Variants in AP2B1 observed in about 807,000 individuals in gnomAD.
AP2B1 encodes AP-2 complex subunit beta.
AP2B1 carries 23 observed loss-of-function variants against 102.0 expected under a neutral mutation model. The observed-to-expected ratio is 0.23, with a 90% CI of 0.16 to 0.32. The LOEUF (loss-of-function observed/expected upper bound fraction) is 0.32, where lower values mean the gene tolerates loss of function less well. AP2B1 is among the 10% of genes least tolerant of loss of function. The pLI, the probability that AP2B1 is intolerant of heterozygous loss-of-function variation, is 1.00. For synonymous variants in AP2B1, 381 were observed against 421.2 expected (o/e 0.90, Z 1.17); for missense variants, 541 against 1,157.4 (o/e 0.47, Z 7.73).
intron 14 of AP2B1, 111 bp from the exon 15 acceptor site, chr17:35,670,746 G>A: frequency 9.3e-7 from 1 of 1,078,190 alleles, no homozygotes; most frequent in Non-Finnish European, 1.4e-6. Context: ...AAGTTGAATG[G>A]CATGTATTTC....
chr17:35,589,707 C>T (rs1183213449), intron 1 of AP2B1, among the ~76,000 whole-genome samples: 9 of 152,162 alleles, frequency 5.9e-5, no homozygotes, highest in Non-Finnish European at 1.2e-4. Context: ...TGGCCTTAGG[C>T]CATACCGTAA....
At chr17:35,650,318 C>T (rs2075056074) in intron 12 of AP2B1, among the ~76,000 whole-genome samples, 1 of 152,196 alleles carries the variant, frequency 6.6e-6, no homozygotes, top group Non-Finnish European at 1.5e-5. Flanking sequence ...TGATCTCAAA[C>T]TCTTGGGTCC....
At position 35,639,766 on chromosome 17, in the gene AP2B1, T is replaced by TTCTTGTC; in HGVS notation, c.1437+15_1437+21dup. 6.2e-7 allele frequency: 1 copy of TTCTTGTC among 1,612,788 alleles called. No homozygotes were observed. Among genetic ancestry groups the TTCTTGTC allele is most frequent in the Non-Finnish European group, 8.5e-7 (1 of 1,179,236 alleles). ...TTCACGATGAAAGCACCCAGGTAAGTTCTTGTCTCTTGTCTATCCTAGTAG... is the reference window on the plus strand; with the variant it reads ...TTCACGATGAAAGCACCCAGGTAAGTTCTTGTCTCTTGTCTCTTGTCTATCCTAGTAG... On this transcript the variant is annotated splice_region_variant and intron_variant, in intron 11 of 21. Coordinates refer to ENST00000610402, the MANE Select transcript of AP2B1 (RefSeq NM_001030006.2).
At chr17:35,654,921 G>A (rs2075179256) in intron 13 of AP2B1, among the ~76,000 whole-genome samples, 1 of 152,090 alleles carries the variant, frequency 6.6e-6, no homozygotes, top group South Asian at 2.1e-4. Context: ...TCACTGGGCA[G>A]GCAGTGCCTC....
At chr17:35,651,945 A>T (rs1158119299) in intron 13 of AP2B1, among the ~76,000 whole-genome samples, 1 of 152,172 alleles carries the variant, frequency 6.6e-6, no homozygotes, top group Non-Finnish European at 1.5e-5. Flanking sequence ...TCAAGTTTCG[A>T]TGTAGATACG....
At chr17:35,658,282 C>CTT (rs33981679) in intron 14 of AP2B1, among the ~76,000 whole-genome samples, 12,763 of 141,016 alleles carry the variant, frequency 0.091, 966 homozygotes, top group African/African-American at 0.19. Flanking sequence ...TCTTCTTCTT[C>CTT]TTTTTTTTTT....
chr17:35,656,802 G>A (rs1049502132), intron 13 of AP2B1, among the ~76,000 whole-genome samples: 2 of 150,204 alleles, frequency 1.3e-5, no homozygotes, highest in Non-Finnish European at 1.5e-5. Context: ...GGAGAATGGC[G>A]TGAACCTGGG....
chr17:35,687,065 A>G (rs151234377), intron 18 of AP2B1, among the ~76,000 whole-genome samples: 1 of 151,964 alleles, frequency 6.6e-6, no homozygotes, highest in South Asian at 2.1e-4. Context: ...AATTTCGTTC[A>G]CCTCTTTTGA....
At chr17:35,720,567 ATATATATTTT>A (rs1313024943) in intron 21 of AP2B1, among the ~76,000 whole-genome samples, 30 of 52,322 alleles carry the variant, frequency 5.7e-4, no homozygotes, top group African/African-American at 1.9e-3. Context: ...ATATATATAT[ATATATATTTT>A]TTTTTTTTTT....
Position 35,726,211 on chromosome 17 carries a change from G to GT in AP2B1, c.*2513dup, listed in dbSNP as rs1568079899. 4 of 151,876 alleles carry GT rather than the reference G, an allele frequency of 2.6e-5. No homozygotes were observed. The highest frequency in any genetic ancestry group is 2.0e-4 in the Admixed American group (3 of 15,244). The allele number at this position is 151,876 out of a possible 1,614,324, so 9.4% of individuals were successfully genotyped here. ...TTTGCTGGTCAGAGATTCCCTGAGT[G>GT]TCTGTCCTCACCCAAGCCTGCTCTG... On this transcript the variant is annotated 3_prime_UTR_variant, in exon 22 of 22. Coordinates refer to ENST00000610402, the MANE Select transcript of AP2B1 (RefSeq NM_001030006.2).
chr17:35,612,764 T>C (rs2073899889), intron 5 of AP2B1, among the ~76,000 whole-genome samples: 1 of 152,102 alleles, frequency 6.6e-6, no homozygotes, highest in Non-Finnish European at 1.5e-5. Flanking sequence ...ACTACCTTCA[T>C]GGATGAATGT....
At chr17:35,676,706 T>G (rs1031996412) in intron 17 of AP2B1, among the ~76,000 whole-genome samples, 1 of 152,248 alleles carries the variant, frequency 6.6e-6, no homozygotes, top group Non-Finnish European at 1.5e-5. Flanking sequence ...GCCATTCTTG[T>G]CGCTGTGTAG....
intron 9 of AP2B1, 49 bp downstream of exon 9, chr17:35,627,775 TCTC>T (rs1226303095): frequency 2.1e-6 from 3 of 1,437,456 alleles, no homozygotes; most frequent in Non-Finnish European, 2.9e-6. Context: ...TTCTGAGAGT[TCTC>T]TTCACTTTTT....
chr17:35,629,053 A>G (rs970110679), intron 9 of AP2B1, among the ~76,000 whole-genome samples: 2 of 151,490 alleles, frequency 1.3e-5, no homozygotes, highest in Admixed American at 6.6e-5. Context: ...GGCTCAAGCG[A>G]CTCTTATGCC....
At chr17:35,629,327 A>G (rs905854189) in intron 9 of AP2B1, among the ~76,000 whole-genome samples, 3 of 152,082 alleles carry the variant, frequency 2.0e-5, no homozygotes, top group Admixed American at 6.6e-5. Flanking sequence ...TTCCTTAAGC[A>G]TAATATCAAA....
At position 35,627,575 on chromosome 17, in the gene AP2B1, C is replaced by T. The variant is rs2074354157; in HGVS notation, c.1060-56C>T. On this transcript the variant is annotated intron_variant, in intron 8 of 21. Coordinates refer to ENST00000610402, the MANE Select transcript of AP2B1 (RefSeq NM_001030006.2). ...AGGTCTGGCCTTTAAAGAAGCTAGGCTGTGAGATTGCTATTTGAGAATCCT... is the reference window on the plus strand; with the variant it reads ...AGGTCTGGCCTTTAAAGAAGCTAGGTTGTGAGATTGCTATTTGAGAATCCT... 1.9e-6 allele frequency: 3 copies of T among 1,612,560 alleles called. No homozygotes were observed. In the Admixed American group the frequency reaches 5.0e-5, roughly 27 times the overall value.
chr17:35,611,536 A>AG (rs1445958079), intron 5 of AP2B1, among the ~76,000 whole-genome samples: 1 of 152,220 alleles, frequency 6.6e-6, no homozygotes, highest in Non-Finnish European at 1.5e-5. Context: ...ATCTTTATCC[A>AG]GATAAACCGA....
chr17:35,651,986 G>A (rs968066211), intron 13 of AP2B1, among the ~76,000 whole-genome samples: 6 of 152,162 alleles, frequency 3.9e-5, no homozygotes, highest in African/African-American at 9.7e-5. Flanking sequence ...CTCTGTAACC[G>A]TGTTTGTATC....
chr17:35,629,812 T>C (rs1436490860), intron 9 of AP2B1, among the ~76,000 whole-genome samples: 5 of 152,154 alleles, frequency 3.3e-5, no homozygotes, highest in African/African-American at 1.2e-4. Context: ...GAGGGCAGAT[T>C]GGTTTCTAGC....
Sources: allele counts gnomAD v4.1 joint callset (sites outside exome capture counted in the v4.1 genomes callset), GRCh38; gene constraint gnomAD v4.1.1; transcripts MANE v1.5; gene names NCBI Gene and HGNC (gene_info 2026-07-23, HGNC 2026-07-21).